Variants in USP29 observed in about 807,000 individuals in gnomAD.
USP29 encodes ubiquitin carboxyl-terminal hydrolase 29.
For synonymous variants in USP29, 386 were observed against 387.4 expected (o/e 1.00, Z 0.04); for missense variants, 1,102 against 1,069.0 (o/e 1.03, Z -0.43).
In USP29 at chr19:57,130,595, C is replaced by T. The variant is rs762366118; in HGVS notation, c.1920C>T (p.Ile640=). 2.7e-5 allele frequency: 44 copies of T among 1,613,978 alleles called. No individual in the cohort carries two copies. The highest frequency in any genetic ancestry group is 1.6e-4 in the Middle Eastern group (1 of 6,084). The part of the protein sequence containing the change: ...SELVHFRDRA[I]GEKELPVADS... Reference sequence around the variant, plus strand: ...TGGTCCACTTTAGAGATAGGGCAATCGGTGAAAAGGAGCTTCCAGTGGCTG... The same window carrying T: ...TGGTCCACTTTAGAGATAGGGCAATTGGTGAAAAGGAGCTTCCAGTGGCTG... Residue 640 remains isoleucine, a synonymous_variant, in exon 4 of 4, where the codon ATC becomes ATT. Coordinates refer to ENST00000254181, the MANE Select transcript of USP29 (RefSeq NM_020903.3).
chr19:57,127,901 C>G (rs2086831878), intron 3 of USP29, among the ~76,000 whole-genome samples: 1 of 152,172 alleles, frequency 6.6e-6, no homozygotes, highest in Non-Finnish European at 1.5e-5. Context: ...AAACCCAGGG[C>G]CCTGGTGGTG....
In USP29 at chr19:57,130,907, T is replaced by C. The variant is rs200864160; in HGVS notation, c.2232T>C (p.Asp744=). 12 of 1,614,040 alleles carry C rather than the reference T, an allele frequency of 7.4e-6. No individual in the cohort carries two copies. The highest frequency in any genetic ancestry group is 1.7e-5 in the Admixed American group (1 of 59,996). ...LQQCIEESII[D]EFLQQAPPPG... Reference sequence around the variant, plus strand: ...AGTGTATTGAGGAGAGCATCATAGATGAATTTCTTCAGCAGGCACCACCTC... The same window carrying C: ...AGTGTATTGAGGAGAGCATCATAGACGAATTTCTTCAGCAGGCACCACCTC... Residue 744 remains aspartate (D), a synonymous_variant, in exon 4 of 4, where the codon GAT becomes GAC. Coordinates refer to ENST00000254181, the MANE Select transcript of USP29 (RefSeq NM_020903.3).
Position 57,131,501 on chromosome 19 carries a change from C to G in USP29, c.*57C>G. ...AAGAGAATCCTGTACTTCATCCTTG[C>G]AAAGAGAATCCTGTACTTCACTCAG... is the stretch of plus-strand genomic sequence containing the variant. On this transcript the variant is annotated 3_prime_UTR_variant, in exon 4 of 4. Transcript: ENST00000254181. 1 of 1,521,646 alleles carries G rather than the reference C, an allele frequency of 6.6e-7. No individual in the cohort carries two copies. Among genetic ancestry groups the G allele is most frequent in the Middle Eastern group, 2.4e-4 (1 of 4,136 alleles). The allele number at this position is 1,521,646 out of a possible 1,614,324, so 94.3% of individuals were successfully genotyped here. A position where few individuals can be genotyped will look rare whatever the true frequency, so the allele number is the denominator to read the frequency against.
chr19:57,128,188 G>A (rs1161152142), intron 3 of USP29, among the ~76,000 whole-genome samples: 1 of 152,176 alleles, frequency 6.6e-6, no homozygotes, highest in Non-Finnish European at 1.5e-5. Context: ...GCTGGGAGCT[G>A]CAGAGCGGAG....
At chr19:57,125,877 G>A (rs1263429769) in intron 3 of USP29, among the ~76,000 whole-genome samples, 1 of 152,074 alleles carries the variant, frequency 6.6e-6, no homozygotes, top group Non-Finnish European at 1.5e-5. Context: ...TTATATTTTG[G>A]TGTGTTTTTG....
Position 57,130,503 on chromosome 19 carries a change from T to C in USP29, c.1828T>C (p.Cys610Arg). ...NADLQRFQRD[C>R]GDASQEQHQR... ...CGACCTACAAAGATTCCAGAGAGAC[T>C]GTGGAGATGCAAGCCAAGAGCAGCA... The change falls in exon 4 of 4, where the codon TGT becomes CGT. Residue 610 changes from cysteine (C) to arginine (R), a missense_variant. Transcript: ENST00000254181. 1 of 1,614,116 alleles carries C rather than the reference T, an allele frequency of 6.2e-7. No individual in the cohort carries two copies. The highest frequency in any genetic ancestry group is 8.5e-7 in the Non-Finnish European group (1 of 1,180,022).
chr19:57,120,876 G>T (rs1304221804), intron 1 of USP29, among the ~76,000 whole-genome samples: 1 of 150,864 alleles, frequency 6.6e-6, no homozygotes, highest in South Asian at 2.1e-4. Context: ...AGGCCAAGGC[G>T]GGCGGATCAG....
At chr19:57,120,788 CAAAAAAAAAAAA>C (rs71293954) in intron 1 of USP29, among the ~76,000 whole-genome samples, 4 of 31,146 alleles carry the variant, frequency 1.3e-4, no homozygotes, top group Non-Finnish European at 2.3e-4. Flanking sequence ...GACTCCGTCT[CAAAAAAAAAAAA>C]AAAAAAAAAA....
chr19:57,130,502 C>CTGTGG lies in USP29; in HGVS notation c.1828_1832dup (p.Asp612ValfsTer19). On this transcript the variant is annotated frameshift_variant, in exon 4 of 4. Coordinates refer to ENST00000254181, the MANE Select transcript of USP29 (RefSeq NM_020903.3). LOFTEE classifies it low-confidence loss of function (END_TRUNC). ...CCGACCTACAAAGATTCCAGAGAGA[C>CTGTGG]TGTGGAGATGCAAGCCAAGAGCAGC... 1.2e-6 allele frequency: 2 copies of CTGTGG among 1,614,152 alleles called. No individual in the cohort carries two copies. Among genetic ancestry groups the CTGTGG allele is most frequent in the Non-Finnish European group, 1.7e-6 (2 of 1,180,034 alleles).
chr19:57,124,537 C>G (rs1236443508), intron 3 of USP29, among the ~76,000 whole-genome samples: 1 of 151,184 alleles, frequency 6.6e-6, no homozygotes, highest in Non-Finnish European at 1.5e-5. Context: ...CAGACAGAGC[C>G]TTGCTGTGTC....
chr19:57,126,333 A>C (rs1476734897), intron 3 of USP29, among the ~76,000 whole-genome samples: 8 of 152,084 alleles, frequency 5.3e-5, no homozygotes, highest in Admixed American at 5.2e-4. Flanking sequence ...GTTCTCCTGG[A>C]TAATATCCCA....
chr19:57,125,265 A>G (rs1256747885), intron 3 of USP29, among the ~76,000 whole-genome samples: 1 of 152,088 alleles, frequency 6.6e-6, no homozygotes, highest in Admixed American at 6.6e-5. Context: ...GTTCTTTTGC[A>G]TTTGCTGAGG....
At position 57,130,359 on chromosome 19, in the gene USP29, G is replaced by C; in HGVS notation, c.1684G>C (p.Val562Leu). The C allele has an allele frequency of 6.2e-7, 1 of 1,614,166 alleles. No individual in the cohort carries two copies. The highest frequency in any genetic ancestry group is 8.5e-7 in the Non-Finnish European group (1 of 1,180,040). Residue 562 changes from valine (V) to leucine (L), a missense_variant, in exon 4 of 4, where the codon GTC (valine) becomes CTC (leucine). Transcript: ENST00000254181. ...TAGTGCACCTGTTGGGAAATGTGAA[G>C]TCCTGGAAGTCTCTCAGGAGATGAT... ...SSSAPVGKCEVLEVSQEMISE... is the reference protein window; with the variant it reads ...SSSAPVGKCELLEVSQEMISE...
intron 3 of USP29, among the ~76,000 whole-genome samples, chr19:57,126,936 G>A (rs894994030): frequency 1.3e-5 from 2 of 152,138 alleles, no homozygotes; most frequent in Admixed American, 1.3e-4. Context: ...TTTGGATGGG[G>A]TTATTGTGTG....
At chr19:57,124,669 C>T (rs569205105) in intron 3 of USP29, among the ~76,000 whole-genome samples, 4 of 151,838 alleles carry the variant, frequency 2.6e-5, no homozygotes, top group Admixed American at 6.6e-5. Flanking sequence ...CCACCATGCC[C>T]GGCTAATTTT....
chr19:57,129,259 A>G lies in USP29; in HGVS notation c.584A>G (p.Tyr195Cys). The G allele has an allele frequency of 6.2e-7, 1 of 1,613,248 alleles. No homozygotes were observed. The highest frequency in any genetic ancestry group is 1.1e-5 in the South Asian group (1 of 90,840). The change falls in exon 4 of 4, where the codon TAT (tyrosine) becomes TGT (cysteine). Residue 195 changes from tyrosine (Y) to cysteine (C), a missense_variant. Transcript: ENST00000254181. ...GATAACCCTGTACCAAACAAGAAAT[A>G]TAAGACAGATTCCTTGAAATATATA... ...KEDNPVPNKKYKTDSLKYIQS... is the reference protein window; with the variant it reads ...KEDNPVPNKKCKTDSLKYIQS...
chr19:57,128,560 G>T, intron 3 of USP29, 100 bp from the exon 4 acceptor site: 1 of 1,218,410 alleles, frequency 8.2e-7, no homozygotes. Context: ...AGCATAAGAA[G>T]ACTAAAAATA....
At chr19:57,124,311 T>G (rs1204484868) in intron 3 of USP29, among the ~76,000 whole-genome samples, 172 bp downstream of exon 3, 1 of 151,384 alleles carries the variant, frequency 6.6e-6, no homozygotes, top group Non-Finnish European at 1.5e-5. Context: ...TTCTGAAACC[T>G]GTTTGTGTTT....
upstream of USP29, chr19:57,119,185 T>C (rs1391517264): frequency 6.6e-6 from 1 of 152,224 alleles, no homozygotes; most frequent in East Asian, 1.9e-4. Context: ...AGCGACCCTC[T>C]GCGCAAACTA....
Sources: allele counts gnomAD v4.1 joint callset (sites outside exome capture counted in the v4.1 genomes callset), GRCh38; gene constraint gnomAD v4.1.1; transcripts MANE v1.5; gene names NCBI Gene and HGNC (gene_info 2026-07-23, HGNC 2026-07-21).